The following SH3BP4 variants were observed in gnomAD, a reference collection of about 807,000 sequenced individuals.
SH3BP4 encodes the protein SH3 domain binding protein 4.
SH3BP4 carries 33 observed loss-of-function variants against 65.5 expected under a neutral mutation model. The observed-to-expected ratio is 0.50, with a 90% CI of 0.38 to 0.67. SH3BP4 has a LOEUF of 0.67. Ranked by LOEUF, SH3BP4 falls within the 30% of genes least tolerant of loss-of-function variation. The pLI is 0.00. For missense variants in SH3BP4, 1,134 were observed against 1,261.4 expected (o/e 0.90, Z 1.53); for synonymous variants, 552 against 545.5 (o/e 1.01, Z -0.17).
chr2:234,961,169 G>A (rs767390933), intron 1 of SH3BP4, among the ~76,000 whole-genome samples: 37 of 152,148 alleles, frequency 2.4e-4, no homozygotes, highest in Non-Finnish European at 4.9e-4. Context: ...GATGACCATC[G>A]TACTTCGCTC....
At chr2:234,999,918 G>A (rs1035174393) in intron 2 of SH3BP4, among the ~76,000 whole-genome samples, 9 of 152,224 alleles carry the variant, frequency 5.9e-5, no homozygotes, top group Non-Finnish European at 1.2e-4. Flanking sequence ...CAGTCAATGC[G>A]CAGCAGCCCT....
intron 2 of SH3BP4, among the ~76,000 whole-genome samples, chr2:235,014,983 C>T (rs970268106): frequency 6.6e-6 from 1 of 152,222 alleles, no homozygotes; most frequent in African/African-American, 2.4e-5. Flanking sequence ...GGTGCTTGCT[C>T]ACAAGCATTT....
rs1157315963 is a variant in SH3BP4, at chr2:234,974,380, T to TA, written c.-206-20919dup. On this transcript the variant is annotated intron_variant, in intron 1 of 5. Transcript: ENST00000392011. The surrounding 1 kb of genome is among the most constrained non-coding windows in gnomAD (Gnocchi z 4.6). ...CTCTGTCTAAAAAAAAATAAATAAA[T>TA]AAAAGAGAAAGAGAGATTTGTGAAG... Among the ~76,000 whole-genome samples the TA allele has an allele frequency of 6.8e-6, 1 of 146,972 alleles. No individual in the cohort carries two copies. The highest frequency in any genetic ancestry group is 1.5e-5 in the Non-Finnish European group (1 of 67,394).
At chr2:234,970,376 T>C (rs1310917517) in intron 1 of SH3BP4, among the ~76,000 whole-genome samples, 3 of 152,216 alleles carry the variant, frequency 2.0e-5, no homozygotes, top group Admixed American at 1.3e-4. Flanking sequence ...AGAGATTCCA[T>C]TGGCCTGGAA....
Position 235,042,156 on chromosome 2 carries a change from C to T in SH3BP4, c.1387C>T (p.Pro463Ser), listed in dbSNP as rs1695678093. The T allele has an allele frequency of 6.2e-7, 1 of 1,613,918 alleles. No individual in the cohort carries two copies. The highest frequency in any genetic ancestry group is 1.3e-5 in the African/African-American group (1 of 74,888). Residue 463 changes from proline to serine, a missense_variant, in exon 4 of 6, where the codon CCT becomes TCT. Physicochemically the swap from Pro to Ser is moderately conservative, Grantham distance 74. Transcript: ENST00000392011. This position sits in a 1 kb window ranked among gnomAD's most constrained non-coding sequence, Gnocchi z 7.3. ...VVAHGPSILYPSTVWDFINKK... is the reference protein window; with the variant it reads ...VVAHGPSILYSSTVWDFINKK... ...GGCCCATGGCCCAAGCATCCTCTAC[C>T]CTTCCACCGTGTGGGACTTCATCAA...
chr2:234,975,449 CT>C (rs1693141044), intron 1 of SH3BP4, among the ~76,000 whole-genome samples: 1 of 152,192 alleles, frequency 6.6e-6, no homozygotes, highest in Non-Finnish European at 1.5e-5. Flanking sequence ...TCTAATGTGG[CT>C]TTAACCTCAG....
chr2:235,041,126 G>A lies in SH3BP4; in HGVS notation c.357G>A (p.Leu119=), dbSNP rs373580704. ...VQPLNYRNST[L]SDSGMIDNLP... is the part of the protein sequence containing the mutation. ...CCTTGAACTACCGGAACTCAACACTGAGTGACAGCGGTATGATTGATAATC... is the reference window on the plus strand; with the variant it reads ...CCTTGAACTACCGGAACTCAACACTAAGTGACAGCGGTATGATTGATAATC... Residue 119 remains leucine, a synonymous_variant, in exon 4 of 6, where the codon CTG becomes CTA. Transcript: ENST00000392011. This position sits in a 1 kb window ranked among gnomAD's most constrained non-coding sequence, Gnocchi z 6.0. 8.7e-6 allele frequency: 14 copies of A among 1,614,164 alleles called. No individual in the cohort carries two copies. The East Asian group carries it at 2.2e-4, about 26-fold the overall frequency.
At position 234,993,355 on chromosome 2, in the gene SH3BP4, C is replaced by T. The variant is rs186077698; in HGVS notation, c.-206-1948C>T. ...GGCTGTTCCCATCTGTCCTTTATGA[C>T]GGCTTGCGATGGACCCGCCTGATGA... On this transcript the variant is annotated intron_variant, in intron 1 of 5. Transcript: ENST00000392011. Among the ~76,000 whole-genome samples the T allele has an allele frequency of 8.5e-5, 13 of 152,314 alleles. No individual in the cohort carries two copies. In the East Asian group the frequency reaches 1.7e-3, roughly 20 times the overall value.
At chr2:235,029,993 C>A (rs1346071549) in intron 2 of SH3BP4, among the ~76,000 whole-genome samples, 1 of 152,204 alleles carries the variant, frequency 6.6e-6, no homozygotes, top group Non-Finnish European at 1.5e-5. Flanking sequence ...GGAGACACAG[C>A]AAGTTCCAGC....
chr2:234,999,719 G>A (rs1694038602), intron 2 of SH3BP4, among the ~76,000 whole-genome samples: 1 of 152,210 alleles, frequency 6.6e-6, no homozygotes, highest in South Asian at 2.1e-4. Flanking sequence ...GACACCCTCA[G>A]ACTTGCTCAA....
intron 2 of SH3BP4, among the ~76,000 whole-genome samples, chr2:235,004,666 C>G (rs6710430): frequency 0.25 from 37,547 of 152,186 alleles, 6,475 homozygotes; most frequent in East Asian, 0.72. Flanking sequence ...TCACTGCAGA[C>G]TGTTTCCAGG....
At chr2:234,987,595 C>CA (rs1328880908) in intron 1 of SH3BP4, among the ~76,000 whole-genome samples, 2 of 152,208 alleles carry the variant, frequency 1.3e-5, no homozygotes, top group African/African-American at 4.8e-5. Context: ...GGTGTCCCCC[C>CA]ACTTATTCAT....
chr2:235,009,086 C>A (rs953236274), intron 2 of SH3BP4, among the ~76,000 whole-genome samples: 1 of 152,230 alleles, frequency 6.6e-6, no homozygotes, highest in African/African-American at 2.4e-5. Flanking sequence ...ATGTTCATCA[C>A]TGACCCATTG....
At chr2:234,980,962 G>A (rs1693359086) in intron 1 of SH3BP4, among the ~76,000 whole-genome samples, 1 of 152,048 alleles carries the variant, frequency 6.6e-6, no homozygotes, top group Non-Finnish European at 1.5e-5. Context: ...CACAAGCTCT[G>A]CCCACTGCAA....
At chr2:234,992,296 G>A (rs1693769818) in intron 1 of SH3BP4, among the ~76,000 whole-genome samples, 1 of 152,194 alleles carries the variant, frequency 6.6e-6, no homozygotes, top group Non-Finnish European at 1.5e-5. Context: ...AGGATGGCGA[G>A]GCTGAGGCCC....
chr2:235,024,791 A>C (rs1694948624), intron 2 of SH3BP4, among the ~76,000 whole-genome samples: 1 of 152,168 alleles, frequency 6.6e-6, no homozygotes, highest in African/African-American at 2.4e-5. Flanking sequence ...AAGAAGTATT[A>C]ATAACAGTTG....
chr2:235,029,551 A>G (rs1176391348), intron 2 of SH3BP4, among the ~76,000 whole-genome samples: 1 of 152,122 alleles, frequency 6.6e-6, no homozygotes, highest in Non-Finnish European at 1.5e-5. Context: ...CACACCCACA[A>G]ACACACCATT....
chr2:235,012,599 C>A (rs149467620), intron 2 of SH3BP4, among the ~76,000 whole-genome samples: 2,855 of 152,312 alleles, frequency 0.019, 42 homozygotes, highest in Non-Finnish European at 0.028. Flanking sequence ...CCCCAAGCCT[C>A]GCTCATAGTT....
Position 235,026,081 on chromosome 2 carries a change from G to A in SH3BP4, c.-132-8790G>A, listed in dbSNP as rs1392576289. Among the ~76,000 whole-genome samples, 1 of 152,118 alleles carries A rather than the reference G, an allele frequency of 6.6e-6. No individual in the cohort carries two copies. Among genetic ancestry groups the A allele is most frequent in the African/African-American group, 2.4e-5 (1 of 41,406 alleles). On this transcript the variant is annotated intron_variant, in intron 2 of 5. Transcript: ENST00000392011. This position sits in a 1 kb window ranked among gnomAD's most constrained non-coding sequence, Gnocchi z 4.6. ...GGAGATTCTGGGATCTGTGCAGTGT[G>A]CTGAGAACAACCCTACAGAGGGGAT...
Sources: gnomAD v4.1 joint callset for allele counts (sites outside exome capture counted in the v4.1 genomes callset) on GRCh38, gnomAD v4.1.1 for gene constraint, Gnocchi (gnomAD v3.1) non-coding constraint, MANE v1.5 for transcripts, NCBI Gene and HGNC (gene_info 2026-07-23, HGNC 2026-07-21) for gene names.